Variants in SLCO5A1 observed in about 807,000 individuals in gnomAD.
SLCO5A1 encodes organic anion transporter polypeptide-related protein 4.
Under a neutral mutation model 65.1 loss-of-function variants are expected in SLCO5A1, and 39 were observed. The observed-to-expected ratio is 0.60, with a 90% CI of 0.46 to 0.78. The LOEUF is 0.78. SLCO5A1 is among the 30% of genes least tolerant of loss of function. SLCO5A1 has a pLI of 0.00. For missense variants in SLCO5A1, 1,029 were observed against 1,069.4 expected (o/e 0.96, Z 0.53); for synonymous variants, 438 against 415.7 (o/e 1.05, Z -0.65).
rs566265874 is a variant in SLCO5A1 at position 69,705,769 on chromosome 8, T to C, written c.1424-540A>G. 1.2e-4 allele frequency among the ~76,000 whole-genome samples: 19 copies of C among 152,356 alleles called. No homozygotes were observed. The South Asian group carries it at 3.9e-3, about 32-fold the overall frequency. On this transcript the variant is annotated intron_variant, in intron 5 of 9. Coordinates refer to ENST00000260126, the MANE Select transcript of SLCO5A1 (RefSeq NM_030958.3). Reference sequence around the variant, plus strand: ...AAATACCACTACCTACCAATCACGTTTGTGAAAATTGTAAAGTCTGAAAAT... The same window carrying C: ...AAATACCACTACCTACCAATCACGTCTGTGAAAATTGTAAAGTCTGAAAAT...
intron 5 of SLCO5A1, among the ~76,000 whole-genome samples, chr8:69,727,013 C>A (rs1337933918): frequency 1.3e-5 from 2 of 152,176 alleles, no homozygotes; most frequent in African/African-American, 4.8e-5. Context: ...AAGCCCACAA[C>A]ATACTTTATC....
chr8:69,746,720 T>C (rs1465644239), intron 4 of SLCO5A1, among the ~76,000 whole-genome samples: 1 of 152,202 alleles, frequency 6.6e-6, no homozygotes, highest in Non-Finnish European at 1.5e-5. Flanking sequence ...AGTGAGCAGA[T>C]ACTCCAGCTA....
rs1207118593 is a variant in SLCO5A1, at chr8:69,832,311, G to T, written c.363C>A (p.Tyr121Ter). 1 of 1,614,078 alleles carries T rather than the reference G, an allele frequency of 6.2e-7. No homozygotes were observed. The highest frequency in any genetic ancestry group is 8.5e-7 in the Non-Finnish European group (1 of 1,180,046). ...LAMLQERRCL[Y>*]VVLTDSRCFL... ...AGCAACGGGAATCCGTGAGGACCACGTAGAGGCACCTTCTCTCCTGGAGCA... is the reference window on the plus strand; with the variant it reads ...AGCAACGGGAATCCGTGAGGACCACTTAGAGGCACCTTCTCTCCTGGAGCA... The change falls in exon 2 of 10, where the codon TAC becomes TAA. Residue 121 changes from tyrosine to a stop codon, truncating the protein, a stop_gained. Transcript: ENST00000260126. LOFTEE classifies it high-confidence loss of function. The surrounding 1 kb of genome is among the most constrained non-coding windows in gnomAD (Gnocchi z 4.5).
chr8:69,834,086 C>CCACACACACACACACA (rs60625289), intron 1 of SLCO5A1: 7 of 144,338 alleles, frequency 4.8e-5, no homozygotes, highest in African/African-American at 1.3e-4. Context: ...GCGTGCGCGG[C>CCACACACACACACACA]CACACACACA....
chr8:69,769,358 C>G (rs1449705583), intron 2 of SLCO5A1, among the ~76,000 whole-genome samples: 1 of 152,130 alleles, frequency 6.6e-6, no homozygotes, highest in Non-Finnish European at 1.5e-5. Flanking sequence ...ATGAATCACA[C>G]TTTTCTGAAT....
chr8:69,675,711 C>T (rs1813520478), intron 9 of SLCO5A1, among the ~76,000 whole-genome samples: 1 of 152,108 alleles, frequency 6.6e-6, no homozygotes, highest in Non-Finnish European at 1.5e-5. Flanking sequence ...TTCAGGGGGT[C>T]AGAAGATGCC....
intron 2 of SLCO5A1, among the ~76,000 whole-genome samples, chr8:69,770,603 G>A (rs1818279583): frequency 6.6e-6 from 1 of 152,054 alleles, no homozygotes; most frequent in Non-Finnish European, 1.5e-5. Context: ...AAGGGTTTCT[G>A]ATCTTTTCAG....
In SLCO5A1 at chr8:69,807,708, T is replaced by C. The variant is rs182923441; in HGVS notation, c.907+24059A>G. ...CAGAATTTCCTGTTTTTTGTTTGTT[T>C]GTTTGTTTGTTTTTTGAGACGAAGT... On this transcript the variant is annotated intron_variant, in intron 2 of 9. Coordinates refer to ENST00000260126, the MANE Select transcript of SLCO5A1 (RefSeq NM_030958.3). Among the ~76,000 whole-genome samples, 58 of 152,330 alleles carry C rather than the reference T, an allele frequency of 3.8e-4. No individual in the cohort carries two copies. The East Asian group carries it at 0.011, about 29-fold the overall frequency.
rs370468479 is a variant in SLCO5A1 at position 69,669,308 on chromosome 8, G to A, written c.*3561C>T. ...AAAAACCTCTCTACTCTTCATAAAC[G>A]GTAATATATCAAAAAATTGAAATGC... is the stretch of plus-strand genomic sequence containing the variant. On this transcript the variant is annotated 3_prime_UTR_variant, in exon 10 of 10. Transcript: ENST00000260126. 17 of 151,696 alleles carry A rather than the reference G, an allele frequency of 1.1e-4. No homozygotes were observed. The East Asian group carries it at 1.4e-3, about 12-fold the overall frequency. 9.4% of individuals were successfully genotyped at this position (151,696 alleles called of 1,614,324 possible).
rs73283428 is a variant in SLCO5A1 at position 69,717,315 on chromosome 8, C to T, written c.1424-12086G>A. Among the ~76,000 whole-genome samples the T allele has an allele frequency of 5.8e-3, 881 of 152,218 alleles. 6 individuals are homozygous for T. The highest frequency in any genetic ancestry group is 0.02 in the African/African-American group (814 of 41,532). On this transcript the variant is annotated intron_variant, in intron 5 of 9. Transcript: ENST00000260126. The stretch of plus-strand genomic sequence containing the variant: ...GGGTCCAACTTCATTCTTTTGCATG[C>T]GGCTATTCAGTTGTCCCAGCACCAT...
chr8:69,716,181 C>T (rs1815527761), intron 5 of SLCO5A1, among the ~76,000 whole-genome samples: 1 of 152,172 alleles, frequency 6.6e-6, no homozygotes, highest in African/African-American at 2.4e-5. Flanking sequence ...AATAACATTT[C>T]ATTGCATTTC....
At chr8:69,720,284 A>C (rs892196344) in intron 5 of SLCO5A1, among the ~76,000 whole-genome samples, 2 of 152,264 alleles carry the variant, frequency 1.3e-5, no homozygotes, top group African/African-American at 4.8e-5. Context: ...ACAATGTAGC[A>C]AGTGCGAATG....
chr8:69,812,886 G>A (rs1434693877), intron 2 of SLCO5A1, among the ~76,000 whole-genome samples: 1 of 152,128 alleles, frequency 6.6e-6, no homozygotes, highest in East Asian at 1.9e-4. Context: ...TAATTTTTCA[G>A]ATTTCTCTAC....
chr8:69,675,776 A>AT (rs1222648978), intron 9 of SLCO5A1, among the ~76,000 whole-genome samples: 1 of 152,136 alleles, frequency 6.6e-6, no homozygotes, highest in Non-Finnish European at 1.5e-5. Flanking sequence ...TCAAAAAGCA[A>AT]TTTTTTTGTC....
chr8:69,773,085 A>G (rs752931000), intron 2 of SLCO5A1: 1 of 417,048 alleles, frequency 2.4e-6, no homozygotes, highest in South Asian at 1.0e-4. Flanking sequence ...AGGCACACAG[A>G]TTTGAACGTG....
At chr8:69,728,601 G>T (rs562399108) in intron 5 of SLCO5A1, among the ~76,000 whole-genome samples, 2 of 152,180 alleles carry the variant, frequency 1.3e-5, no homozygotes, top group South Asian at 4.1e-4. Flanking sequence ...AAAGTCTAAA[G>T]CTGTATTTAG....
intron 9 of SLCO5A1, among the ~76,000 whole-genome samples, chr8:69,674,377 G>A (rs1036179302): frequency 1.3e-5 from 2 of 152,138 alleles, no homozygotes; most frequent in African/African-American, 2.4e-5. Flanking sequence ...AGGCAGAGAG[G>A]ATAGGCAGGC....
At chr8:69,775,078 G>A (rs1176438261) in intron 2 of SLCO5A1, among the ~76,000 whole-genome samples, 6 of 152,134 alleles carry the variant, frequency 3.9e-5, no homozygotes. Context: ...CAAAAGAACA[G>A]CTGCCACGGC....
intron 2 of SLCO5A1, among the ~76,000 whole-genome samples, chr8:69,779,280 A>G (rs368030618): frequency 7.0e-4 from 106 of 152,312 alleles, no homozygotes; most frequent in African/African-American, 2.3e-3. Context: ...CCACACAAGT[A>G]TGGGTAAATT....
Sources: allele counts gnomAD v4.1 joint callset (sites outside exome capture counted in the v4.1 genomes callset), GRCh38; gene constraint gnomAD v4.1.1; non-coding constraint Gnocchi (gnomAD v3.1); transcripts MANE v1.5; gene names NCBI Gene and HGNC (gene_info 2026-07-23, HGNC 2026-07-21).